The following BMPR1B variants were observed in gnomAD, a reference collection of about 807,000 sequenced individuals.
The protein encoded by BMPR1B is bone morphogenetic protein receptor type-1B.
BMPR1B carries 12 observed loss-of-function variants against 59.1 expected under a neutral mutation model. The ratio of observed to expected loss-of-function variants is 0.20; its 90% CI spans 0.13 to 0.33. The LOEUF (loss-of-function observed/expected upper bound fraction) is 0.33. Among genes scored for constraint, BMPR1B ranks in the 10% least tolerant of loss-of-function variants. The pLI, the probability that BMPR1B is intolerant of heterozygous loss-of-function variation, is 1.00. For synonymous variants in BMPR1B, 237 were observed against 207.3 expected, an observed-to-expected ratio of 1.14 and a Z score of -1.23; for missense variants, 550 against 610.9, an observed-to-expected ratio of 0.90 and a Z score of 1.05.
intron 10 of BMPR1B, among the ~76,000 whole-genome samples, chr4:95,132,752 C>G (rs1363695409): frequency 6.6e-6 from 1 of 151,828 alleles, no homozygotes; most frequent in Non-Finnish European, 1.5e-5. Flanking sequence ...TCCAAAAGAT[C>G]ATCTGCTTCG....
At chr4:94,851,692 TTGAA>T (rs1725572294) in intron 1 of BMPR1B, among the ~76,000 whole-genome samples, 1 of 152,114 alleles carries the variant, frequency 6.6e-6, no homozygotes, top group Non-Finnish European at 1.5e-5. Context: ...CTGTTCTTTA[TTGAA>T]TGATCACTTG....
At position 94,962,072 on chromosome 4, in the gene BMPR1B, TTTCCTTCCTTCCTTCCTTCCTTCC is replaced by T. The variant is rs199574448; in HGVS notation, c.-112-33940_-112-33917del. On this transcript the variant is annotated intron_variant, in intron 2 of 12. Coordinates refer to ENST00000515059, the MANE Select transcript of BMPR1B (RefSeq NM_001203.3). The stretch of plus-strand genomic sequence containing the variant: ...TTCTTTCTTTCTTTTCTTTCTTTTC[TTTCCTTCCTTCCTTCCTTCCTTCC>T]TTCCTTCCTTCCTTCCTTCCTTCCT... Among the ~76,000 whole-genome samples, 1,118 of 117,996 alleles carry T rather than the reference TTTCCTTCCTTCCTTCCTTCCTTCC, an allele frequency of 9.5e-3. 17 individuals are homozygous for T. Among genetic ancestry groups the T allele is most frequent in the African/African-American group, 0.037 (1,048 of 28,334 alleles). 77.4% of individuals were successfully genotyped at this position (117,996 alleles called of 152,430 possible). A position where few individuals can be genotyped will look rare whatever the true frequency, so the allele number is the denominator to read the frequency against.
chr4:94,797,754 C>G (rs1238029970), intron 1 of BMPR1B, among the ~76,000 whole-genome samples: 1 of 152,102 alleles, frequency 6.6e-6, no homozygotes, highest in African/African-American at 2.4e-5. Flanking sequence ...TGGGGTGGAG[C>G]CCATGAATTT....
At chr4:94,916,769 TA>T (rs1728498842) in intron 2 of BMPR1B, among the ~76,000 whole-genome samples, 1 of 152,174 alleles carries the variant, frequency 6.6e-6, no homozygotes, top group Admixed American at 6.5e-5. Context: ...GAAATTTGCA[TA>T]ACAAAAAAGC....
intron 2 of BMPR1B, among the ~76,000 whole-genome samples, chr4:94,960,231 C>A (rs1460741633): frequency 1.3e-5 from 2 of 152,130 alleles, no homozygotes; most frequent in South Asian, 2.1e-4. Flanking sequence ...ATAACCAGTG[C>A]TCTGTGAAAC....
chr4:95,041,341 G>A (rs962510801), intron 3 of BMPR1B, among the ~76,000 whole-genome samples: 15 of 152,028 alleles, frequency 9.9e-5, no homozygotes, highest in Admixed American at 6.6e-4. Flanking sequence ...GAGCCACCAC[G>A]CGTGGTCTAT....
intron 3 of BMPR1B, among the ~76,000 whole-genome samples, chr4:95,048,990 G>C (rs113277531): frequency 6.6e-6 from 1 of 152,150 alleles, no homozygotes; most frequent in African/African-American, 2.4e-5. Context: ...ATTGCTAAAT[G>C]AAAGAAATAG....
chr4:94,758,955 C>G (rs938671963), intron 1 of BMPR1B, among the ~76,000 whole-genome samples: 21 of 152,150 alleles, frequency 1.4e-4, no homozygotes, highest in Non-Finnish European at 2.6e-4. Context: ...GGCTTTCGCT[C>G]CCGGTCTTCC....
chr4:94,843,842 T>C (rs1725201946), intron 1 of BMPR1B, among the ~76,000 whole-genome samples: 1 of 152,186 alleles, frequency 6.6e-6, no homozygotes, highest in African/African-American at 2.4e-5. Context: ...GGTACTCACC[T>C]CCTGCTCTGG....
chr4:95,116,417 G>GCACA (rs1412794885), intron 6 of BMPR1B, among the ~76,000 whole-genome samples: 3 of 51,348 alleles, frequency 5.8e-5, no homozygotes, highest in East Asian at 5.4e-4. Context: ...TGCTTTCAGC[G>GCACA]CGCGCACACA....
intron 3 of BMPR1B, among the ~76,000 whole-genome samples, chr4:95,060,777 T>C (rs1178086013): frequency 6.6e-6 from 1 of 152,174 alleles, no homozygotes; most frequent in Admixed American, 6.5e-5. Context: ...GAAAGAGTTA[T>C]GTCTTTGTGG....
chr4:94,784,200 A>G (rs1370396098), intron 1 of BMPR1B, among the ~76,000 whole-genome samples: 2 of 152,146 alleles, frequency 1.3e-5, no homozygotes, highest in African/African-American at 4.8e-5. Context: ...CTGCCATTCT[A>G]GAAGTGGATT....
At chr4:95,108,938 T>C (rs1731404653) in intron 4 of BMPR1B, among the ~76,000 whole-genome samples, 1 of 152,094 alleles carries the variant, frequency 6.6e-6, no homozygotes, top group Non-Finnish European at 1.5e-5. Context: ...ACTCTCCTTA[T>C]GTGGCTTTCA....
Position 95,131,241 on chromosome 4 carries a change from A to G in BMPR1B, c.805A>G (p.Thr269Ala). 6.2e-7 allele frequency: 1 copy of G among 1,613,892 alleles called. No homozygotes were observed. The highest frequency in any genetic ancestry group is 8.5e-7 in the Non-Finnish European group (1 of 1,179,928). ...TTTCATTGCTGCAGATATCAAAGGGACAGGGTCCTGGACCCAGTTGTACCT... is the reference window on the plus strand; with the variant it reads ...TTTCATTGCTGCAGATATCAAAGGGGCAGGGTCCTGGACCCAGTTGTACCT... ...LGFIAADIKG[T>A]GSWTQLYLIT... Residue 269 changes from threonine (T) to alanine (A), a missense_variant, in exon 10 of 13, where the codon ACA (threonine) becomes GCA (alanine). Thr to Ala is a moderately conservative substitution (Grantham distance 58, BLOSUM62 0). Coordinates refer to ENST00000515059, the MANE Select transcript of BMPR1B (RefSeq NM_001203.3).
intron 3 of BMPR1B, among the ~76,000 whole-genome samples, chr4:95,102,250 T>C (rs1350562556): frequency 2.0e-5 from 3 of 152,208 alleles, no homozygotes; most frequent in East Asian, 3.9e-4. Flanking sequence ...AATAGCATCT[T>C]ACTTCCAATC....
chr4:95,075,447 A>G (rs1218942542), intron 3 of BMPR1B, among the ~76,000 whole-genome samples: 2 of 152,170 alleles, frequency 1.3e-5, no homozygotes, highest in African/African-American at 4.8e-5. Flanking sequence ...TATTAATAGT[A>G]TTAGTAGTAT....
intron 6 of BMPR1B, among the ~76,000 whole-genome samples, chr4:95,119,224 G>A (rs186718699): frequency 1.2e-3 from 190 of 152,134 alleles, no homozygotes; most frequent in African/African-American, 3.1e-3. Context: ...AAAATCTTTC[G>A]TTATCTTTAA....
At chr4:95,086,126 A>G (rs1729556008) in intron 3 of BMPR1B, among the ~76,000 whole-genome samples, 1 of 152,342 alleles carries the variant, frequency 6.6e-6, no homozygotes, top group African/African-American at 2.4e-5. Flanking sequence ...ATAAACATTC[A>G]TAAAGCTATG....
intron 2 of BMPR1B, among the ~76,000 whole-genome samples, chr4:94,935,706 A>T (rs540557087): frequency 1.3e-5 from 2 of 152,358 alleles, no homozygotes; most frequent in African/African-American, 4.8e-5. Context: ...CTTTGGGTAG[A>T]TGCTGATTTC....
Sources: gnomAD v4.1 joint callset for allele counts (sites outside exome capture counted in the v4.1 genomes callset) on GRCh38, gnomAD v4.1.1 for gene constraint, MANE v1.5 for transcripts, NCBI Gene and HGNC (gene_info 2026-07-23, HGNC 2026-07-21) for gene names.